Variants in KCNIP4 observed in about 807,000 individuals in gnomAD.
KCNIP4 encodes Kv channel-interacting protein 4.
In KCNIP4, 12 loss-of-function variants were observed where a neutral mutation model predicts 34.0. The observed-to-expected ratio is 0.35, with a 90% CI of 0.23 to 0.57. The LOEUF (loss-of-function observed/expected upper bound fraction) is 0.57. KCNIP4 is among the 20% of genes least tolerant of loss of function. The pLI, the probability that KCNIP4 is intolerant of heterozygous loss-of-function variation, is 0.83. For missense variants in KCNIP4, 238 were observed against 311.7 expected, an observed-to-expected ratio of 0.76 and a Z score of 1.78; for synonymous variants, 124 against 102.2, an observed-to-expected ratio of 1.21 and a Z score of -1.29.
chr4:21,508,381 G>A lies in KCNIP4; in HGVS notation c.61+440190C>T, dbSNP rs1049599754. 7.2e-5 allele frequency among the ~76,000 whole-genome samples: 11 copies of A among 152,068 alleles called. 1 individual carries two copies. Among genetic ancestry groups the A allele is most frequent in the Admixed American group, 3.3e-4 (5 of 15,242 alleles). On this transcript the variant is annotated intron_variant, in intron 1 of 8. Coordinates refer to ENST00000382152, the MANE Select transcript of KCNIP4 (RefSeq NM_025221.6). The stretch of plus-strand genomic sequence containing the variant: ...AACAACTCAGGGTTCCAAGCTCACC[G>A]GAAATATAATTATGCTTATTATGTT...
intron 1 of KCNIP4, among the ~76,000 whole-genome samples, chr4:21,288,062 G>C (rs897516102): frequency 6.6e-6 from 1 of 152,134 alleles, no homozygotes; most frequent in Non-Finnish European, 1.5e-5. Context: ...GGGTTTACTG[G>C]AGAAGACAGG....
chr4:20,938,770 C>A (rs1731339677), intron 1 of KCNIP4, among the ~76,000 whole-genome samples: 1 of 152,184 alleles, frequency 6.6e-6, no homozygotes, highest in South Asian at 2.1e-4. Context: ...ATAGAACAAT[C>A]TTTCTATTGC....
chr4:20,740,970 A>G (rs1055839286), intron 5 of KCNIP4, among the ~76,000 whole-genome samples: 2 of 151,984 alleles, frequency 1.3e-5, no homozygotes, highest in East Asian at 1.9e-4. Flanking sequence ...CAAAACAGAC[A>G]AAGAAGGCTA....
In KCNIP4 at chr4:21,102,427, T is replaced by C. The variant is rs73245234; in HGVS notation, c.62-219718A>G. Reference sequence around the variant, plus strand: ...TTGTGGAAGAAAAGCAGATTTGGGATAGGGTTAGAAGATAATGAGGCCAGC... The same window carrying C: ...TTGTGGAAGAAAAGCAGATTTGGGACAGGGTTAGAAGATAATGAGGCCAGC... On this transcript the variant is annotated intron_variant, in intron 1 of 8. Transcript: ENST00000382152. Among the ~76,000 whole-genome samples, 813 of 152,214 alleles carry C rather than the reference T, an allele frequency of 5.3e-3. 6 individuals are homozygous for C. The highest frequency in any genetic ancestry group is 8.2e-3 in the Non-Finnish European group (561 of 68,004).
chr4:20,907,489 C>T (rs1727885809), intron 1 of KCNIP4, among the ~76,000 whole-genome samples: 1 of 152,066 alleles, frequency 6.6e-6, no homozygotes, highest in Non-Finnish European at 1.5e-5. Flanking sequence ...AATATCAAAA[C>T]ATATTCAAAA....
intron 1 of KCNIP4, among the ~76,000 whole-genome samples, chr4:21,247,249 C>A (rs1560211834): frequency 6.6e-6 from 1 of 152,042 alleles, no homozygotes; most frequent in Non-Finnish European, 1.5e-5. Context: ...AATTTCAAAA[C>A]CACCTCAAAT....
chr4:20,881,829 G>T (rs1190963207), intron 2 of KCNIP4, among the ~76,000 whole-genome samples: 1 of 152,156 alleles, frequency 6.6e-6, no homozygotes, highest in Non-Finnish European at 1.5e-5. Flanking sequence ...AGATTACCCT[G>T]AATAATGTGG....
chr4:21,548,967 T>A (rs929275702), intron 1 of KCNIP4, among the ~76,000 whole-genome samples: 3 of 151,972 alleles, frequency 2.0e-5, no homozygotes, highest in Admixed American at 2.0e-4. Context: ...GACATACTCA[T>A]GATAAGATGC....
chr4:20,774,280 T>C (rs1053556618), intron 3 of KCNIP4, among the ~76,000 whole-genome samples: 2 of 152,186 alleles, frequency 1.3e-5, no homozygotes, highest in East Asian at 1.9e-4. Flanking sequence ...CATCTGCTTA[T>C]TTAATTTCAG....
At chr4:21,860,546 T>G (rs1221660011) in intron 1 of KCNIP4, among the ~76,000 whole-genome samples, 3 of 152,186 alleles carry the variant, frequency 2.0e-5, no homozygotes, top group Admixed American at 6.5e-5. Flanking sequence ...TTATTTTATC[T>G]CACCTAAATA....
At position 20,741,300 on chromosome 4, in the gene KCNIP4, A is replaced by T. The variant is rs563798485; in HGVS notation, c.430-6565T>A. Among the ~76,000 whole-genome samples the T allele has an allele frequency of 3.3e-5, 5 of 152,328 alleles. No homozygotes were observed. In the East Asian group the frequency reaches 9.6e-4, roughly 29 times the overall value. On this transcript the variant is annotated intron_variant, in intron 5 of 8. Transcript: ENST00000382152. Reference sequence around the variant, plus strand: ...TCAGCACTACGTCACACTTATTCCAAAATTGACCACATAGTTGGAAGTAAA... The same window carrying T: ...TCAGCACTACGTCACACTTATTCCATAATTGACCACATAGTTGGAAGTAAA...
chr4:21,843,196 T>A (rs529706873), intron 1 of KCNIP4: 2 of 152,144 alleles, frequency 1.3e-5, no homozygotes, highest in East Asian at 3.9e-4. Context: ...ATTGGGAGAA[T>A]GTAAAAAATA....
intron 1 of KCNIP4, among the ~76,000 whole-genome samples, chr4:21,100,704 T>C (rs966973151): frequency 1.3e-5 from 2 of 152,168 alleles, no homozygotes; most frequent in African/African-American, 4.8e-5. Flanking sequence ...TCAGCATTTT[T>C]TTGGCAATCA....
intron 1 of KCNIP4, among the ~76,000 whole-genome samples, chr4:21,726,362 G>A (rs1342823400): frequency 2.0e-5 from 3 of 152,094 alleles, no homozygotes; most frequent in Non-Finnish European, 4.4e-5. Flanking sequence ...TGTATTTTAA[G>A]CTGCCAAAAA....
At chr4:21,479,097 G>T (rs1031174970) in intron 1 of KCNIP4, among the ~76,000 whole-genome samples, 9 of 152,008 alleles carry the variant, frequency 5.9e-5, no homozygotes, top group Non-Finnish European at 1.2e-4. Context: ...TGTTCAGCTA[G>T]ACCTCTGGGC....
At chr4:21,639,533 G>C in intron 1 of KCNIP4, among the ~76,000 whole-genome samples, 1 of 150,630 alleles carries the variant, frequency 6.6e-6, no homozygotes, top group Non-Finnish European at 1.5e-5. Context: ...TCATTAACTA[G>C]ACGAAATTAA....
chr4:20,774,054 G>A (rs1435885950), intron 3 of KCNIP4, among the ~76,000 whole-genome samples: 1 of 152,184 alleles, frequency 6.6e-6, no homozygotes, highest in Non-Finnish European at 1.5e-5. Context: ...AAACCTTTAA[G>A]ATGAAAATAA....
At chr4:21,460,182 C>T (rs1729333098) in intron 1 of KCNIP4, among the ~76,000 whole-genome samples, 1 of 150,548 alleles carries the variant, frequency 6.6e-6, no homozygotes, top group African/African-American at 2.4e-5. Context: ...TGCACAGTTC[C>T]AAGCATCCTG....
intron 3 of KCNIP4, among the ~76,000 whole-genome samples, chr4:20,835,406 C>T (rs75619999): frequency 0.019 from 2,822 of 151,742 alleles, 83 homozygotes; most frequent in African/African-American, 0.059. Context: ...TAGCTGTGAC[C>T]TCGGAGAGGT....
Sources: allele counts gnomAD v4.1 joint callset (sites outside exome capture counted in the v4.1 genomes callset), GRCh38; gene constraint gnomAD v4.1.1; transcripts MANE v1.5; gene names NCBI Gene and HGNC (gene_info 2026-07-23, HGNC 2026-07-21).